AZIN1: variants seen among roughly 807,000 people sequenced by gnomAD.
AZIN1 encodes the protein antizyme inhibitor 1.
Under a neutral mutation model 47.4 loss-of-function variants are expected in AZIN1, and 12 were observed. The observed-to-expected ratio is 0.25, with a 90% CI of 0.16 to 0.41. The LOEUF is 0.41. AZIN1 is among the 10% of genes least tolerant of loss of function. AZIN1 has a pLI of 1.00. For missense variants in AZIN1, 410 were observed against 532.4 expected, an observed-to-expected ratio of 0.77 and a Z score of 2.26; for synonymous variants, 155 against 176.3, an observed-to-expected ratio of 0.88 and a Z score of 0.96.
At position 102,843,623 on chromosome 8, in the gene AZIN1, G is replaced by A; in HGVS notation, c.30C>T (p.Tyr10=). 1 of 1,614,052 alleles carries A rather than the reference G, an allele frequency of 6.2e-7. No individual in the cohort carries two copies. Among genetic ancestry groups the A allele is most frequent in the Non-Finnish European group, 8.5e-7 (1 of 1,179,942 alleles). ...TTCCTTCATCCAACAGGCCAACGGA[G>A]TAGTTTGCATCATCAATAAATCCTT... The part of the protein sequence containing the change: MKGFIDDAN[Y]SVGLLDEGTN... Residue 10 remains tyrosine (Y), a synonymous_variant, in exon 3 of 12, where the codon TAC becomes TAT. Coordinates refer to ENST00000337198, the MANE Select transcript of AZIN1 (RefSeq NM_148174.4).
Position 102,828,616 on chromosome 8 carries a change from G to T in AZIN1, c.1298C>A (p.Pro433His). The T allele has an allele frequency of 6.2e-7, 1 of 1,611,392 alleles. No individual in the cohort carries two copies. Among genetic ancestry groups the T allele is most frequent in the Non-Finnish European group, 8.5e-7 (1 of 1,177,992 alleles). ...TTCTTGGCTCAGCTGAATGCAAGAA[G>T]GCACAAAGAAGAAGTTCTTCATCAT... ...DSMMKNFFFV[P>H]SCIQLSQEDS... Residue 433 changes from proline to histidine, a missense_variant, in exon 12 of 12, where the codon CCT becomes CAT. Transcript: ENST00000337198.
chr8:102,832,865 C>T (rs1334945826), intron 9 of AZIN1, among the ~76,000 whole-genome samples, 191 bp downstream of exon 9: 1 of 152,130 alleles, frequency 6.6e-6, no homozygotes, highest in Admixed American at 6.5e-5. Context: ...TGGTCTCGAA[C>T]TCCTGACCTT....
At chr8:102,849,268 G>T (rs543214785) in intron 2 of AZIN1, among the ~76,000 whole-genome samples, 16 of 152,146 alleles carry the variant, frequency 1.1e-4, no homozygotes, top group South Asian at 4.2e-4. Context: ...ACTCCAGCCT[G>T]GTGACAGAGC....
intron 9 of AZIN1, among the ~76,000 whole-genome samples, chr8:102,831,666 A>G (rs1368521383): frequency 2.7e-5 from 4 of 148,742 alleles, no homozygotes; most frequent in Non-Finnish European, 6.0e-5. Context: ...AAAAAAAATC[A>G]TAAGGCCAGG....
At position 102,827,987 on chromosome 8, in the gene AZIN1, T is replaced by C. The variant is rs1250709458; in HGVS notation, c.*580A>G. On this transcript the variant is annotated 3_prime_UTR_variant, in exon 12 of 12. Coordinates refer to ENST00000337198, the MANE Select transcript of AZIN1 (RefSeq NM_148174.4). ...CTAGCTAGCCCCTTTCCCAAAGTTTTAGCCTGAAAAAACAGTAAAATCTAC... is the reference window on the plus strand; with the variant it reads ...CTAGCTAGCCCCTTTCCCAAAGTTTCAGCCTGAAAAAACAGTAAAATCTAC... 1 of 152,520 alleles carries C rather than the reference T, an allele frequency of 6.6e-6. No individual in the cohort carries two copies. Among genetic ancestry groups the C allele is most frequent in the African/African-American group, 2.4e-5 (1 of 41,412 alleles). The allele number at this position is 152,520 out of a possible 1,614,324, so 9.4% of individuals were successfully genotyped here.
intron 2 of AZIN1, among the ~76,000 whole-genome samples, chr8:102,857,769 G>A (rs536893307): frequency 3.3e-5 from 5 of 151,576 alleles, no homozygotes; most frequent in South Asian, 2.1e-4. Flanking sequence ...CCTCTTCAAC[G>A]TATATTTTCT....
chr8:102,864,174 C>T (rs141652778), upstream of AZIN1: 300 of 181,790 alleles, frequency 1.7e-3, 1 homozygote, highest in African/African-American at 6.1e-3. Flanking sequence ...GAGAAGGCGG[C>T]GCCAGCGACG....
intron 1 of AZIN1, among the ~76,000 whole-genome samples, chr8:102,863,216 G>A (rs1813849444): frequency 6.6e-6 from 1 of 152,122 alleles, no homozygotes; most frequent in Non-Finnish European, 1.5e-5. Flanking sequence ...GAGGGGGACC[G>A]CGCTCCCCGC....
chr8:102,863,332 C>A (rs1185712760), intron 1 of AZIN1, among the ~76,000 whole-genome samples: 1 of 152,112 alleles, frequency 6.6e-6, no homozygotes, highest in Non-Finnish European at 1.5e-5. Flanking sequence ...CCCACAGCGC[C>A]GCCCGCCCGC....
chr8:102,843,613 G>A lies in AZIN1; in HGVS notation c.40C>T (p.Leu14=), dbSNP rs1812363603. The change falls in exon 3 of 12, where the codon CTG becomes TTG. Residue 14 remains leucine, a synonymous_variant. Coordinates refer to ENST00000337198, the MANE Select transcript of AZIN1 (RefSeq NM_148174.4). ...FIDDANYSVG[L]LDEGTNLGNV... ...CCAAGGTTTGTTCCTTCATCCAACA[G>A]GCCAACGGAGTAGTTTGCATCATCA... 2 of 1,614,028 alleles carry A rather than the reference G, an allele frequency of 1.2e-6. No homozygotes were observed. Among genetic ancestry groups the A allele is most frequent in the Non-Finnish European group, 1.7e-6 (2 of 1,179,942 alleles).
intron 3 of AZIN1, among the ~76,000 whole-genome samples, chr8:102,840,378 G>T (rs757270044): frequency 6.6e-6 from 1 of 152,116 alleles, no homozygotes; most frequent in East Asian, 1.9e-4. Flanking sequence ...GTCTTGCTCT[G>T]TAGCAACAGA....
intron 2 of AZIN1, among the ~76,000 whole-genome samples, chr8:102,851,761 G>A (rs546773118): frequency 2.6e-4 from 40 of 152,186 alleles, no homozygotes; most frequent in Admixed American, 1.4e-3. Flanking sequence ...CTCTCCCTTA[G>A]AATTTGTTTA....
chr8:102,832,861 C>T (rs1048562454), intron 9 of AZIN1, among the ~76,000 whole-genome samples, 195 bp downstream of exon 9: 7 of 152,002 alleles, frequency 4.6e-5, no homozygotes, highest in East Asian at 1.9e-4. Context: ...AGGCTGGTCT[C>T]GAACTCCTGA....
intron 2 of AZIN1, among the ~76,000 whole-genome samples, chr8:102,854,761 A>G (rs1383593920): frequency 1.3e-5 from 2 of 151,466 alleles, no homozygotes; most frequent in Non-Finnish European, 2.9e-5. Context: ...ACATGAATAT[A>G]TAGAGCCGAC....
rs139969592 is a variant in AZIN1, at chr8:102,833,114, T to C, written c.846A>G (p.Thr282=). 3.7e-6 allele frequency: 6 copies of C among 1,613,294 alleles called. No homozygotes were observed. In the Admixed American group the frequency reaches 1.0e-4, roughly 27 times the overall value. ...TCTTTGCTATGATATTAACTGCGAG[T>C]GTAAATGCAGAAGACACATAGTAGC... The part of the protein sequence containing the change: ...PGSYYVSSAF[T]LAVNIIAKKV... The change falls in exon 9 of 12, where the codon ACA becomes ACG. Residue 282 remains threonine, a synonymous_variant. Transcript: ENST00000337198.
chr8:102,834,968 C>A, intron 6 of AZIN1: 1 of 488,280 alleles, frequency 2.0e-6, no homozygotes. Context: ...ATTCTATAAA[C>A]AAAAATTCTT....
chr8:102,852,534 C>T (rs2131267372), intron 2 of AZIN1, among the ~76,000 whole-genome samples: 1 of 152,228 alleles, frequency 6.6e-6, no homozygotes, highest in Non-Finnish European at 1.5e-5. Flanking sequence ...TGAACCACTG[C>T]ACTCCAGCCT....
chr8:102,840,832 A>G (rs1259125331), intron 3 of AZIN1, among the ~76,000 whole-genome samples: 1 of 152,254 alleles, frequency 6.6e-6, no homozygotes, highest in Non-Finnish European at 1.5e-5. Flanking sequence ...TATAGTGCCC[A>G]ACTGATATAA....
rs775594105 is a variant in AZIN1, at chr8:102,833,111, G to A, written c.849C>T (p.Leu283=). The A allele has an allele frequency of 1.8e-5, 29 of 1,612,914 alleles. No individual in the cohort carries two copies. Among genetic ancestry groups the A allele is most frequent in the East Asian group, 2.2e-5 (1 of 44,866 alleles). The change falls in exon 9 of 12, where the codon CTC becomes CTT. Residue 283 remains leucine, a synonymous_variant. Transcript: ENST00000337198. ...GSYYVSSAFT[L]AVNIIAKKVV... Reference sequence around the variant, plus strand: ...CTTTCTTTGCTATGATATTAACTGCGAGTGTAAATGCAGAAGACACATAGT... The same window carrying A: ...CTTTCTTTGCTATGATATTAACTGCAAGTGTAAATGCAGAAGACACATAGT...
Sources: gnomAD v4.1 joint callset for allele counts (sites outside exome capture counted in the v4.1 genomes callset) on GRCh38, gnomAD v4.1.1 for gene constraint, MANE v1.5 for transcripts, NCBI Gene and HGNC (gene_info 2026-07-23, HGNC 2026-07-21) for gene names.